The following VAMP2 variants were observed in gnomAD, a reference collection of about 807,000 sequenced individuals.
The protein encoded by VAMP2 is vesicle-associated membrane protein 2.
For missense variants in VAMP2, 95 were observed against 151.3 expected, an observed-to-expected ratio of 0.63 and a Z score of 1.95; for synonymous variants, 67 against 57.3, an observed-to-expected ratio of 1.17 and a Z score of -0.76.
intron 1 of VAMP2, 35 bp downstream of exon 1, chr17:8,162,843 G>C (rs550403327): frequency 8.2e-7 from 1 of 1,214,128 alleles, no homozygotes; most frequent in East Asian, 3.3e-5. Flanking sequence ...GCCGGCGCAG[G>C]GAAGCGCGGT....
At position 8,160,116 on chromosome 17, in the gene VAMP2, ACCTGCGAGTAATGT is replaced by A. The variant is rs966062558; in HGVS notation, c.*725_*738del. 1.3e-5 allele frequency: 2 copies of A among 152,296 alleles called. No individual in the cohort carries two copies. The allele number at this position is 152,296 out of a possible 1,614,324, so 9.4% of individuals were successfully genotyped here. A position where few individuals can be genotyped will look rare whatever the true frequency, so the allele number is the denominator to read the frequency against. On this transcript the variant is annotated 3_prime_UTR_variant, in exon 5 of 5. Coordinates refer to ENST00000316509, the MANE Select transcript of VAMP2 (RefSeq NM_014232.3). ...TCCCCAAAAGCCCAGGCTCCCCACCACCTGCGAGTAATGTCGTGCAAATGAAAATGTGATACAAG... is the reference window on the plus strand; with the variant it reads ...TCCCCAAAAGCCCAGGCTCCCCACCACGTGCAAATGAAAATGTGATACAAG...
At chr17:8,162,481 G>C in intron 1 of VAMP2, 112 bp from the exon 2 acceptor site, 3 of 1,550,494 alleles carry the variant, frequency 1.9e-6, no homozygotes, top group Non-Finnish European at 2.6e-6. Flanking sequence ...CTTTTCGGGA[G>C]GAAGGCCACC....
Position 8,160,676 on chromosome 17 carries a change from T to C in VAMP2, c.*179A>G, listed in dbSNP as rs1229240601. 2 of 389,042 alleles carry C rather than the reference T, an allele frequency of 5.1e-6. No individual in the cohort carries two copies. Among genetic ancestry groups the C allele is most frequent in the Non-Finnish European group, 8.6e-6 (2 of 231,630 alleles). 24.1% of individuals were successfully genotyped at this position (389,042 alleles called of 1,614,324 possible). A position where few individuals can be genotyped will look rare whatever the true frequency, so the allele number is the denominator to read the frequency against. ...GTAATAAAACTACAAACAGACCAAA[T>C]ATATATAATATTATATATGTATAAA... On this transcript the variant is annotated 3_prime_UTR_variant, in exon 5 of 5. Coordinates refer to ENST00000316509, the MANE Select transcript of VAMP2 (RefSeq NM_014232.3).
intron 2 of VAMP2, 25 bp downstream of exon 2, chr17:8,162,224 T>C: frequency 8.6e-6 from 13 of 1,511,970 alleles, no homozygotes; most frequent in Non-Finnish European, 1.1e-5. Flanking sequence ...TCCCTCCTAC[T>C]GCTTTTGACT....
intron 2 of VAMP2, among the ~76,000 whole-genome samples, 180 bp downstream of exon 2, chr17:8,162,069 T>C (rs1209223843): frequency 2.0e-5 from 3 of 152,080 alleles, no homozygotes; most frequent in Non-Finnish European, 4.4e-5. Context: ...GCAAAGCTGA[T>C]TAACACCCCC....
intron 4 of VAMP2, 104 bp downstream of exon 4, chr17:8,161,368 GT>G (rs1286622554): frequency 2.7e-6 from 4 of 1,480,114 alleles, no homozygotes; most frequent in Non-Finnish European, 3.6e-6. Context: ...AGCTATATGT[GT>G]TTTTGGCTGA....
chr17:8,160,801 G>C lies in VAMP2; in HGVS notation c.*54C>G. On this transcript the variant is annotated 3_prime_UTR_variant, in exon 5 of 5. Coordinates refer to ENST00000316509, the MANE Select transcript of VAMP2 (RefSeq NM_014232.3). ...AGATATGGCTGAGAGGTGGAGGAACGGCTGAGGGTTGGGGGAGAGGCCCTT... is the reference window on the plus strand; with the variant it reads ...AGATATGGCTGAGAGGTGGAGGAACCGCTGAGGGTTGGGGGAGAGGCCCTT... 1.9e-6 allele frequency: 3 copies of C among 1,585,094 alleles called. No individual in the cohort carries two copies. Among genetic ancestry groups the C allele is most frequent in the Non-Finnish European group, 2.6e-6 (3 of 1,161,498 alleles).
chr17:8,161,029 G>A (rs967360916), intron 4 of VAMP2, 158 bp from the exon 5 acceptor site: 1 of 611,406 alleles, frequency 1.6e-6, no homozygotes, highest in Non-Finnish European at 2.9e-6. Flanking sequence ...TACAAAGCAA[G>A]GGGCTAGACA....
At chr17:8,162,221 T>C in intron 2 of VAMP2, 28 bp downstream of exon 2, 1 of 1,511,390 alleles carries the variant, frequency 6.6e-7, no homozygotes, top group Non-Finnish European at 8.8e-7. Context: ...GGGTCCCTCC[T>C]ACTGCTTTTG....
In VAMP2 at chr17:8,162,696, T is replaced by C. The variant is rs1008593151; in HGVS notation, c.2+182A>G. ...CTGGGTCCGCTCCTTCCCGCGGCCATCGCCCGAGCCGGCCAGCCCGGGACG... is the reference window on the plus strand; with the variant it reads ...CTGGGTCCGCTCCTTCCCGCGGCCACCGCCCGAGCCGGCCAGCCCGGGACG... On this transcript the variant is annotated intron_variant, in intron 1 of 4. Transcript: ENST00000316509. 3 of 1,320,580 alleles carry C rather than the reference T, an allele frequency of 2.3e-6. No individual in the cohort carries two copies. The African/African-American group carries it at 4.6e-5, about 20-fold the overall frequency. 81.8% of individuals were successfully genotyped at this position (1,320,580 alleles called of 1,614,324 possible).
intron 1 of VAMP2, 155 bp from the exon 2 acceptor site, chr17:8,162,524 C>G (rs1983348290): frequency 1.3e-6 from 2 of 1,515,746 alleles, no homozygotes; most frequent in South Asian, 2.5e-5. Flanking sequence ...CCAGCCCTGC[C>G]GCCGATGAGC....
chr17:8,161,461 C>G lies in VAMP2; in HGVS notation c.334+12G>C, dbSNP rs75664430. 0.23 allele frequency: 367,896 copies of G among 1,613,590 alleles called. 44,171 individuals are homozygous for G. Among genetic ancestry groups the G allele is most frequent in the Non-Finnish European group, 0.25 (297,090 of 1,179,684 alleles). On this transcript the variant is annotated intron_variant, in intron 4 of 4. Transcript: ENST00000316509. ...CCAGGGAAAGGGCCCCGGCCATTCT[C>G]ACCCTACTCACCTATGATGATGATG...
chr17:8,162,185 C>T, intron 2 of VAMP2, 64 bp downstream of exon 2: 2 of 1,495,790 alleles, frequency 1.3e-6, no homozygotes, highest in Non-Finnish European at 1.8e-6. Context: ...CCAACATGGG[C>T]CCCTACACCT....
At chr17:8,162,788 G>T in intron 1 of VAMP2, 90 bp downstream of exon 1, 2 of 1,227,828 alleles carry the variant, frequency 1.6e-6, no homozygotes, top group East Asian at 6.6e-5. Context: ...GGGGAACGCA[G>T]GAGAGACCCC....
Position 8,161,890 on chromosome 17 carries a change from C to G in VAMP2, c.124-124G>C. ...ACCCTGATACTGCCAGGTTAACATG[C>G]CAAGGACACACAGAACATGCCTAGC... On this transcript the variant is annotated intron_variant, in intron 2 of 4. Coordinates refer to ENST00000316509, the MANE Select transcript of VAMP2 (RefSeq NM_014232.3). 8 of 1,428,470 alleles carry G rather than the reference C, an allele frequency of 5.6e-6. No homozygotes were observed. The South Asian group carries it at 1.1e-4, about 19-fold the overall frequency. 88.5% of individuals were successfully genotyped at this position (1,428,470 alleles called of 1,614,324 possible).
chr17:8,159,745 A>T lies in VAMP2; in HGVS notation c.*1110T>A, dbSNP rs1983234693. ...TGCCCCACTCCTCCCCAAGGCAGTG[A>T]TGACCCCCACACACACACTGGTAGC... is the stretch of plus-strand genomic sequence containing the variant. On this transcript the variant is annotated 3_prime_UTR_variant, in exon 5 of 5. Transcript: ENST00000316509. 2 of 152,748 alleles carry T rather than the reference A, an allele frequency of 1.3e-5. No individual in the cohort carries two copies. Among genetic ancestry groups the T allele is most frequent in the South Asian group, 4.1e-4 (2 of 4,830 alleles). 9.5% of individuals were successfully genotyped at this position (152,748 alleles called of 1,614,324 possible).
chr17:8,162,667 G>A (rs1251898340), intron 1 of VAMP2: 1 of 1,384,882 alleles, frequency 7.2e-7, no homozygotes, highest in African/African-American at 1.5e-5. Flanking sequence ...GGGGCAGGAG[G>A]ACACTGGGTC....
chr17:8,162,242 C>G lies in VAMP2; in HGVS notation c.123+7G>C. ...CTCCTACTGCTTTTGACTCCCCCCA[C>G]ACTCACCTCATCCACCTGGGCCTGG... is the stretch of plus-strand genomic sequence containing the variant. On this transcript the variant is annotated splice_region_variant and intron_variant, in intron 2 of 4. Transcript: ENST00000316509. 1 of 1,536,826 alleles carries G rather than the reference C, an allele frequency of 6.5e-7. No individual in the cohort carries two copies. The highest frequency in any genetic ancestry group is 8.7e-7 in the Non-Finnish European group (1 of 1,146,514).
chr17:8,161,683 T>G lies in VAMP2; in HGVS notation c.207A>C (p.Ala69=). The G allele has an allele frequency of 1.9e-6, 3 of 1,614,108 alleles. No homozygotes were observed. Among genetic ancestry groups the G allele is most frequent in the Non-Finnish European group, 2.5e-6 (3 of 1,180,008 alleles). The change falls in exon 3 of 5, where the codon GCA becomes GCC. Residue 69 remains alanine, a synonymous_variant. Coordinates refer to ENST00000316509, the MANE Select transcript of VAMP2 (RefSeq NM_014232.3). ...KLSELDDRAD[A]LQAGASQFET... ...CAAACTGGGAGGCCCCCGCCTGGAG[T>G]GCATCTGCACGGTCGTCCAGCTCCG... is the stretch of plus-strand genomic sequence containing the variant.
Sources: gnomAD v4.1 joint callset for allele counts (sites outside exome capture counted in the v4.1 genomes callset) on GRCh38, gnomAD v4.1.1 for gene constraint, MANE v1.5 for transcripts, NCBI Gene and HGNC (gene_info 2026-07-23, HGNC 2026-07-21) for gene names.